IFT80: variants seen among roughly 807,000 people sequenced by gnomAD.
The protein encoded by IFT80 is intraflagellar transport protein 80 homolog.
IFT80 carries 79 observed loss-of-function variants against 107.9 expected under a neutral mutation model. The observed-to-expected ratio is 0.73, with a 90% CI of 0.61 to 0.88. The LOEUF is 0.88. IFT80 is among the 40% of genes least tolerant of loss of function. The pLI is 0.00. For synonymous variants in IFT80, 299 were observed against 300.9 expected (o/e 0.99, Z 0.07); for missense variants, 797 against 914.2 (o/e 0.87, Z 1.65).
intron 12 of IFT80, among the ~76,000 whole-genome samples, chr3:160,289,100 C>T (rs749058786): frequency 2.0e-4 from 30 of 152,122 alleles, no homozygotes; most frequent in Non-Finnish European, 3.8e-4. Flanking sequence ...AAATGTTGTA[C>T]ATATAGACTA....
chr3:160,367,648 A>G (rs796091302), intron 5 of IFT80, among the ~76,000 whole-genome samples: 22 of 152,210 alleles, frequency 1.4e-4, no homozygotes, highest in African/African-American at 5.1e-4. Context: ...TTCCAGAGGA[A>G]AAGTACAAGT....
intron 8 of IFT80, among the ~76,000 whole-genome samples, chr3:160,325,778 T>C (rs987172325): frequency 2.0e-5 from 3 of 152,128 alleles, no homozygotes; most frequent in Non-Finnish European, 2.9e-5. Context: ...TATAATTTTG[T>C]ACATGAAACA....
At chr3:160,363,397 T>C (rs887477752) in intron 6 of IFT80, among the ~76,000 whole-genome samples, 5 of 152,134 alleles carry the variant, frequency 3.3e-5, no homozygotes, top group African/African-American at 1.2e-4. Context: ...ATTCCATGCT[T>C]ATAGATACGA....
rs1321584940 is a variant in IFT80 at position 160,257,088 on chromosome 3, T to C, written c.*1437A>G. ...ATTTTTAAACATTTTAAGCTTCTTA[T>C]TGAAATATAACAATATAGGAAACAC... On this transcript the variant is annotated 3_prime_UTR_variant, in exon 20 of 20. Coordinates refer to ENST00000326448, the MANE Select transcript of IFT80 (RefSeq NM_020800.3). The C allele has an allele frequency of 1.3e-5, 2 of 152,156 alleles. No individual in the cohort carries two copies. The highest frequency in any genetic ancestry group is 2.4e-5 in the African/African-American group (1 of 41,444). The allele number at this position is 152,156 out of a possible 1,614,324, so 9.4% of individuals were successfully genotyped here. A position where few individuals can be genotyped will look rare whatever the true frequency, so the allele number is the denominator to read the frequency against.
intron 8 of IFT80, among the ~76,000 whole-genome samples, chr3:160,323,580 C>T (rs1206951602): frequency 6.6e-6 from 1 of 151,756 alleles, no homozygotes; most frequent in South Asian, 2.1e-4. Context: ...TTGAAACCAA[C>T]GAGAACAAAG....
rs537925572 is a variant in IFT80, at chr3:160,309,883, C to T, written c.958-2102G>A. Among the ~76,000 whole-genome samples the T allele has an allele frequency of 1.2e-4, 18 of 151,862 alleles. No homozygotes were observed. The South Asian group carries it at 3.5e-3, about 30-fold the overall frequency. On this transcript the variant is annotated intron_variant, in intron 9 of 19. Transcript: ENST00000326448. ...ACTATATTTTAGGATATAATGTTTT[C>T]AGGAACCAAAATTTTCTGGTCAGAG...
chr3:160,271,887 C>T (rs1713836745), intron 18 of IFT80, among the ~76,000 whole-genome samples: 1 of 151,658 alleles, frequency 6.6e-6, no homozygotes, highest in African/African-American at 2.4e-5. Context: ...CCATGAAAAA[C>T]CACTACAGCC....
intron 8 of IFT80, among the ~76,000 whole-genome samples, chr3:160,327,598 CAA>C (rs1267209308): frequency 3.3e-5 from 5 of 152,088 alleles, no homozygotes; most frequent in Non-Finnish European, 2.9e-5. Context: ...ATTTAATAAA[CAA>C]ATTTAATAAA....
At chr3:160,329,565 C>T (rs770272257) in intron 8 of IFT80, among the ~76,000 whole-genome samples, 1 of 152,120 alleles carries the variant, frequency 6.6e-6, no homozygotes, top group Non-Finnish European at 1.5e-5. Flanking sequence ...CTTCCCTGTA[C>T]TGGGAGGAAA....
At chr3:160,316,496 G>A (rs146911525) in intron 9 of IFT80, among the ~76,000 whole-genome samples, 1 of 152,214 alleles carries the variant, frequency 6.6e-6, no homozygotes, top group Non-Finnish European at 1.5e-5. Context: ...CTATGTTTAG[G>A]GTTATTCATT....
In IFT80 at chr3:160,384,583, A is replaced by G; in HGVS notation, c.18T>C (p.Ser6=). Residue 6 remains serine, a synonymous_variant, in exon 2 of 20, where the codon TCT becomes TCC. Transcript: ENST00000326448. MRLKI[S]LLKEPKHQEL... ...GGATATGCTTTGGTTCTTTTAAAAG[A>G]GATATCTTTAGTCTCATGACTCCAC... 6.6e-7 allele frequency: 1 copy of G among 1,520,484 alleles called. No individual in the cohort carries two copies. The allele number at this position is 1,520,484 out of a possible 1,614,324, so 94.2% of individuals were successfully genotyped here.
intron 8 of IFT80, among the ~76,000 whole-genome samples, chr3:160,332,355 G>A (rs548953577): frequency 6.6e-6 from 1 of 152,324 alleles, no homozygotes; most frequent in Non-Finnish European, 1.5e-5. Flanking sequence ...GAGCAAAAGA[G>A]AGAGGGTGAA....
chr3:160,325,350 T>C (rs2108308173), intron 8 of IFT80, among the ~76,000 whole-genome samples: 1 of 152,288 alleles, frequency 6.6e-6, no homozygotes, highest in African/African-American at 2.4e-5. Flanking sequence ...AGTATGGTTT[T>C]AAAACACTGG....
chr3:160,367,346 T>A (rs767187997), intron 5 of IFT80, among the ~76,000 whole-genome samples: 2 of 152,102 alleles, frequency 1.3e-5, no homozygotes, highest in Non-Finnish European at 2.9e-5. Flanking sequence ...ATAAAGTAAC[T>A]TAAATTTTAC....
intron 8 of IFT80, among the ~76,000 whole-genome samples, chr3:160,354,956 TTCTG>T (rs1720966473): frequency 6.6e-6 from 1 of 152,192 alleles, no homozygotes; most frequent in Non-Finnish European, 1.5e-5. Flanking sequence ...GCTCTAAAAA[TTCTG>T]TCTTATTCTG....
intron 8 of IFT80, among the ~76,000 whole-genome samples, chr3:160,328,690 G>A (rs1052088567): frequency 6.6e-6 from 1 of 151,814 alleles, no homozygotes; most frequent in Non-Finnish European, 1.5e-5. Context: ...GACACATGCA[G>A]CTATATGTTC....
chr3:160,309,649 T>C (rs1322148138), intron 9 of IFT80, among the ~76,000 whole-genome samples: 2 of 151,908 alleles, frequency 1.3e-5, no homozygotes, highest in Non-Finnish European at 2.9e-5. Context: ...ATTGTGCCAC[T>C]GCGCTCCAGG....
Position 160,313,034 on chromosome 3 carries a change from AAATATAT to A in IFT80, c.958-5260_958-5254del, listed in dbSNP as rs1159190878. On this transcript the variant is annotated intron_variant, in intron 9 of 19. Coordinates refer to ENST00000326448, the MANE Select transcript of IFT80 (RefSeq NM_020800.3). Reference sequence around the variant, plus strand: ...TATATAATAAATATATATTATATATAAATATATAATATATAATAAATATAATATATAT... The same window carrying A: ...TATATAATAAATATATATTATATATAAATATATAATAAATATAATATATAT... Among the ~76,000 whole-genome samples, 649 of 91,858 alleles carry A rather than the reference AAATATAT, an allele frequency of 7.1e-3. 12 individuals carry two copies. The highest frequency in any genetic ancestry group is 0.027 in the African/African-American group (622 of 23,296). The allele number at this position is 91,858 out of a possible 152,430, so 60.3% of individuals were successfully genotyped here.
At chr3:160,384,414 A>G in intron 2 of IFT80, 150 bp downstream of exon 2, 1 of 1,349,242 alleles carries the variant, frequency 7.4e-7, no homozygotes, top group Non-Finnish European at 9.5e-7. Flanking sequence ...ACAACACATG[A>G]TCTTAAATAC....
Sources: allele counts gnomAD v4.1 joint callset (sites outside exome capture counted in the v4.1 genomes callset), GRCh38; gene constraint gnomAD v4.1.1; transcripts MANE v1.5; gene names NCBI Gene and HGNC (gene_info 2026-07-23, HGNC 2026-07-21).